PIEZO2: variants seen among roughly 807,000 people sequenced by gnomAD.
The protein encoded by PIEZO2 is piezo-type mechanosensitive ion channel component 2.
Under a neutral mutation model 337.3 loss-of-function variants are expected in PIEZO2, and 172 were observed. The observed-to-expected ratio is 0.51, with a 90% CI of 0.45 to 0.58. The LOEUF is 0.58. Among genes scored for constraint, PIEZO2 ranks in the 20% least tolerant of loss-of-function variants. PIEZO2 has a pLI of 0.00. For synonymous variants in PIEZO2, 1,251 were observed against 1,228.5 expected (o/e 1.02, Z -0.38); for missense variants, 3,028 against 3,391.3 (o/e 0.89, Z 2.66).
At chr18:10,923,538 G>A (rs2031551030) in intron 3 of PIEZO2, among the ~76,000 whole-genome samples, 1 of 151,374 alleles carries the variant, frequency 6.6e-6, no homozygotes, top group African/African-American at 2.4e-5. Context: ...TCTCCCTAAG[G>A]ACAGCCTGGC....
Position 11,140,746 on chromosome 18 carries a change from T to C in PIEZO2, c.64+7779A>G, listed in dbSNP as rs116774741. Among the ~76,000 whole-genome samples, 592 of 152,354 alleles carry C rather than the reference T, an allele frequency of 3.9e-3. 3 individuals are homozygous for C. Among genetic ancestry groups the C allele is most frequent in the African/African-American group, 0.013 (546 of 41,584 alleles). ...CTCTCTGTCATGGCCACAGACCGAC[T>C]TTTCCCATTTTAGCTGAGCACATTA... On this transcript the variant is annotated intron_variant, in intron 1 of 55. Coordinates refer to ENST00000674853, the MANE Select transcript of PIEZO2 (RefSeq NM_001378183.1).
rs11080443 is a variant in PIEZO2 at position 10,676,758 on chromosome 18, C to A, written c.8081+989G>T. On this transcript the variant is annotated intron_variant, in intron 53 of 55. Transcript: ENST00000674853. This position sits in a 1 kb window ranked among gnomAD's most constrained non-coding sequence, Gnocchi z 5.1. Reference sequence around the variant, plus strand: ...ACACTAGTGGCTCCCTAAGAAGGAACCTTGAGCCCCACCTCTTTCCACTGA... The same window carrying A: ...ACACTAGTGGCTCCCTAAGAAGGAAACTTGAGCCCCACCTCTTTCCACTGA... 0.23 allele frequency among the ~76,000 whole-genome samples: 35,561 copies of A among 152,128 alleles called. 4,580 individuals carry two copies. Among genetic ancestry groups the A allele is most frequent in the Non-Finnish European group, 0.29 (19,821 of 67,962 alleles).
At position 10,784,998 on chromosome 18, in the gene PIEZO2, C is replaced by T. The variant is rs144749782; in HGVS notation, c.2319-41G>A. The T allele has an allele frequency of 4.0e-4, 601 of 1,504,920 alleles. 1 individual carries two copies. In the African/African-American group the frequency reaches 5.7e-3, roughly 14 times the overall value. 93.2% of individuals were successfully genotyped at this position (1,504,920 alleles called of 1,614,324 possible). ...AAATAAAAAGCAGGAACCTCTCTTA[C>T]GCAATGAAGTCACAAACTCTTTGTG... On this transcript the variant is annotated intron_variant, in intron 16 of 55. Coordinates refer to ENST00000674853, the MANE Select transcript of PIEZO2 (RefSeq NM_001378183.1). This position sits in a 1 kb window ranked among gnomAD's most constrained non-coding sequence, Gnocchi z 4.5.
intron 3 of PIEZO2, among the ~76,000 whole-genome samples, chr18:10,960,091 A>G (rs2033701043): frequency 6.6e-6 from 1 of 152,202 alleles, no homozygotes; most frequent in African/African-American, 2.4e-5. Flanking sequence ...GGATATTGAC[A>G]TCATAAGGCT....
At position 10,968,423 on chromosome 18, in the gene PIEZO2, C is replaced by T. The variant is rs577245914; in HGVS notation, c.286+11112G>A. ...TGTTCTTTTTGGTTAGTCTTGCTTT[C>T]GCTATGTGGACACTTTTTTGGTTCC... On this transcript the variant is annotated intron_variant, in intron 3 of 55. Coordinates refer to ENST00000674853, the MANE Select transcript of PIEZO2 (RefSeq NM_001378183.1). Among the ~76,000 whole-genome samples the T allele has an allele frequency of 2.4e-4, 36 of 152,136 alleles. No homozygotes were observed. The South Asian group carries it at 4.1e-3, about 18-fold the overall frequency.
chr18:10,994,756 T>C (rs1038695855), intron 2 of PIEZO2, among the ~76,000 whole-genome samples: 1 of 151,940 alleles, frequency 6.6e-6, no homozygotes, highest in Non-Finnish European at 1.5e-5. Flanking sequence ...ACAGTGGTTG[T>C]ACTAGTTTAC....
At position 10,837,006 on chromosome 18, in the gene PIEZO2, T is replaced by C. The variant is rs955198982; in HGVS notation, c.917+18347A>G. Among the ~76,000 whole-genome samples, 3 of 152,236 alleles carry C rather than the reference T, an allele frequency of 2.0e-5. No individual in the cohort carries two copies. The highest frequency in any genetic ancestry group is 7.2e-5 in the African/African-American group (3 of 41,462). On this transcript the variant is annotated intron_variant, in intron 7 of 55. Transcript: ENST00000674853. The surrounding 1 kb of genome is among the most constrained non-coding windows in gnomAD (Gnocchi z 4.4). ...ACTGAGGATACTCACAACTGTGGTTTGGTTTCAGCAAAACACACATTCTTC... is the reference window on the plus strand; with the variant it reads ...ACTGAGGATACTCACAACTGTGGTTCGGTTTCAGCAAAACACACATTCTTC...
intron 17 of PIEZO2, among the ~76,000 whole-genome samples, chr18:10,780,716 T>G (rs2038952124): frequency 6.9e-6 from 1 of 144,026 alleles, no homozygotes. Context: ...CAGGCTGGAG[T>G]GCAGTGACGT....
intron 1 of PIEZO2, among the ~76,000 whole-genome samples, chr18:11,091,998 T>C (rs2039105790): frequency 6.6e-6 from 1 of 152,168 alleles, no homozygotes; most frequent in Non-Finnish European, 1.5e-5. Context: ...ACGCTATTAG[T>C]GAATCATAGC....
intron 43 of PIEZO2, among the ~76,000 whole-genome samples, chr18:10,699,466 C>A (rs2035241114): frequency 6.6e-6 from 1 of 152,160 alleles, no homozygotes; most frequent in Non-Finnish European, 1.5e-5. Flanking sequence ...CTGAACAAAG[C>A]ACTCCTCTCT....
rs1287949257 is a variant in PIEZO2 at position 11,080,653 on chromosome 18, G to A, written c.65-14431C>T. Among the ~76,000 whole-genome samples, 1 of 152,158 alleles carries A rather than the reference G, an allele frequency of 6.6e-6. No individual in the cohort carries two copies. Among genetic ancestry groups the A allele is most frequent in the East Asian group, 1.9e-4 (1 of 5,192 alleles). On this transcript the variant is annotated intron_variant, in intron 1 of 55. Transcript: ENST00000674853. This position sits in a 1 kb window ranked among gnomAD's most constrained non-coding sequence, Gnocchi z 5.4. ...GAGGTCAGGAGATCAAGACTATCCT[G>A]GCCAACACGGTGAAACCCCGTCTCT...
At position 10,784,269 on chromosome 18, in the gene PIEZO2, T is replaced by C. The variant is rs1344299080; in HGVS notation, c.2492+515A>G. ...AGCCGTAAGCTGCTAAAAGAAGATA[T>C]TGTCATCATGTTGTCCTCTTAAATA... On this transcript the variant is annotated intron_variant, in intron 17 of 55. Coordinates refer to ENST00000674853, the MANE Select transcript of PIEZO2 (RefSeq NM_001378183.1). The surrounding 1 kb of genome is among the most constrained non-coding windows in gnomAD (Gnocchi z 4.5). Among the ~76,000 whole-genome samples, 1 of 152,226 alleles carries C rather than the reference T, an allele frequency of 6.6e-6. No homozygotes were observed. The highest frequency in any genetic ancestry group is 1.5e-5 in the Non-Finnish European group (1 of 68,044).
At chr18:11,044,492 A>C (rs115463354) in intron 2 of PIEZO2, among the ~76,000 whole-genome samples, 8 of 152,148 alleles carry the variant, frequency 5.3e-5, no homozygotes, top group Non-Finnish European at 1.2e-4. Context: ...TACAGAGAAT[A>C]CTTCACTAAA....
At position 10,716,012 on chromosome 18, in the gene PIEZO2, G is replaced by A. The variant is rs1188081520; in HGVS notation, c.5090-196C>T. On this transcript the variant is annotated intron_variant, in intron 37 of 55. Transcript: ENST00000674853. The surrounding 1 kb of genome is among the most constrained non-coding windows in gnomAD (Gnocchi z 4.1). ...AGCTTTTGTGGGGCTTTGCACACAC[G>A]CAGTGGCAGACCAAATCAGGATAGA... Among the ~76,000 whole-genome samples the A allele has an allele frequency of 1.2e-4, 18 of 152,178 alleles. 1 individual carries two copies. The highest frequency in any genetic ancestry group is 2.9e-5 in the Non-Finnish European group (2 of 68,030).
In PIEZO2 at chr18:10,979,197, CT is replaced by C. The variant is rs201916792; in HGVS notation, c.286+337del. Among the ~76,000 whole-genome samples, 10,986 of 142,540 alleles carry C rather than the reference CT, an allele frequency of 0.077. 796 individuals are homozygous for C. The highest frequency in any genetic ancestry group is 0.2 in the African/African-American group (7,730 of 39,458). 93.5% of individuals were successfully genotyped at this position (142,540 alleles called of 152,430 possible). A position where few individuals can be genotyped will look rare whatever the true frequency, so the allele number is the denominator to read the frequency against. ...CTATTCATCATGTTAGAAATTGTAC[CT>C]TTTTTTTTTTTTACTCGCTGTAATG... is the stretch of plus-strand genomic sequence containing the variant. On this transcript the variant is annotated intron_variant, in intron 3 of 55. Coordinates refer to ENST00000674853, the MANE Select transcript of PIEZO2 (RefSeq NM_001378183.1). The surrounding 1 kb of genome is among the most constrained non-coding windows in gnomAD (Gnocchi z 4.0).
intron 1 of PIEZO2, 98 bp from the exon 2 acceptor site, chr18:11,066,320 G>A (rs2038148777): frequency 2.4e-6 from 2 of 817,500 alleles, no homozygotes; most frequent in East Asian, 5.3e-5. Context: ...AGATGTCACT[G>A]GATCAAACAG....
At chr18:10,728,982 C>T (rs1196802244) in intron 36 of PIEZO2, among the ~76,000 whole-genome samples, 1 of 138,216 alleles carries the variant, frequency 7.2e-6, no homozygotes, top group Non-Finnish European at 1.6e-5. Flanking sequence ...AAACAAAAAC[C>T]AATAAAGGAA....
Position 10,813,611 on chromosome 18 carries a change from T to C in PIEZO2, c.918-6337A>G, listed in dbSNP as rs1203844193. Among the ~76,000 whole-genome samples, 2 of 152,176 alleles carry C rather than the reference T, an allele frequency of 1.3e-5. No individual in the cohort carries two copies. Among genetic ancestry groups the C allele is most frequent in the South Asian group, 2.1e-4 (1 of 4,830 alleles). ...CACTTTAAGGCTGAATACATAAATATATACATATGTATGTCCCATTTGTTA... is the reference window on the plus strand; with the variant it reads ...CACTTTAAGGCTGAATACATAAATACATACATATGTATGTCCCATTTGTTA... On this transcript the variant is annotated intron_variant, in intron 7 of 55. Transcript: ENST00000674853. The surrounding 1 kb of genome is among the most constrained non-coding windows in gnomAD (Gnocchi z 4.2).
In PIEZO2 at chr18:11,086,618, C is replaced by T. The variant is rs147381307; in HGVS notation, c.65-20396G>A. Reference sequence around the variant, plus strand: ...GAAAACTGTATTGTTATGAAATATCCACACAAATTTACAAATCTGTCAGGA... The same window carrying T: ...GAAAACTGTATTGTTATGAAATATCTACACAAATTTACAAATCTGTCAGGA... On this transcript the variant is annotated intron_variant, in intron 1 of 55. Transcript: ENST00000674853. 7.2e-3 allele frequency among the ~76,000 whole-genome samples: 1,092 copies of T among 152,116 alleles called. 13 individuals are homozygous for T. Among genetic ancestry groups the T allele is most frequent in the African/African-American group, 0.025 (1,035 of 41,510 alleles).
Sources: gnomAD v4.1 joint callset for allele counts (sites outside exome capture counted in the v4.1 genomes callset) on GRCh38, gnomAD v4.1.1 for gene constraint, Gnocchi (gnomAD v3.1) non-coding constraint, MANE v1.5 for transcripts, NCBI Gene and HGNC (gene_info 2026-07-23, HGNC 2026-07-21) for gene names.